Variants in ANO3 observed in about 807,000 individuals in gnomAD.
ANO3 encodes the protein anoctamin-3.
Under a neutral mutation model 144.8 loss-of-function variants are expected in ANO3, and 99 were observed. The ratio of observed to expected loss-of-function variants is 0.68; its 90% CI spans 0.58 to 0.81. ANO3 has a LOEUF of 0.81. ANO3 is among the 30% of genes least tolerant of loss of function. The pLI is 0.00. For synonymous variants in ANO3, 414 were observed against 392.6 expected, an observed-to-expected ratio of 1.05 and a Z score of -0.64; for missense variants, 905 against 1,202.2, an observed-to-expected ratio of 0.75 and a Z score of 3.66.
At chr11:26,543,933 A>G (rs1565093263) in intron 11 of ANO3, among the ~76,000 whole-genome samples, 1 of 151,650 alleles carries the variant, frequency 6.6e-6, no homozygotes, top group Non-Finnish European at 1.5e-5. Flanking sequence ...TTTTAATTTC[A>G]AACATTAAGT....
chr11:26,394,570 C>CTTTTTTTTTT (rs56118844), intron 1 of ANO3, among the ~76,000 whole-genome samples: 2 of 115,748 alleles, frequency 1.7e-5, no homozygotes, highest in African/African-American at 3.2e-5. Context: ...ATTTCATTTT[C>CTTTTTTTTTT]TTTTTTTTTT....
rs72561877 is a variant in ANO3, at chr11:26,530,555, T to TA, written c.738-637dup. Among the ~76,000 whole-genome samples the TA allele has an allele frequency of 8.3e-3, 1,189 of 143,760 alleles. 27 individuals carry two copies. Among genetic ancestry groups the TA allele is most frequent in the South Asian group, 0.04 (176 of 4,448 alleles). 94.3% of individuals were successfully genotyped at this position (143,760 alleles called of 152,430 possible). On this transcript the variant is annotated intron_variant, in intron 7 of 26. Transcript: ENST00000256737. ...CATTTTAATAAATATATTTTGCGCT[T>TA]AAAAAAAAAAAAACTCTCTTTCTGG... is the stretch of plus-strand genomic sequence containing the variant.
intron 1 of ANO3, among the ~76,000 whole-genome samples, chr11:26,346,420 T>C (rs1277488400): frequency 1.3e-5 from 2 of 152,204 alleles, no homozygotes; most frequent in Non-Finnish European, 2.9e-5. Flanking sequence ...TCACTTTTTA[T>C]AGGATGTTCA....
In ANO3 at chr11:26,547,452, T is replaced by G; in HGVS notation, c.1191T>G (p.Ala397=). 3.7e-6 allele frequency: 6 copies of G among 1,612,146 alleles called. No homozygotes were observed. The highest frequency in any genetic ancestry group is 5.1e-6 in the Non-Finnish European group (6 of 1,178,588). ...YFGEKIGLYF[A]WLGWYTGMLI... is the part of the protein sequence containing the mutation. ...GTGAGAAGATTGGACTATACTTTGC[T>G]TGGCTGGGATGGTATACTGGAATGT... Residue 397 remains alanine (A), a synonymous_variant, in exon 12 of 27, where the codon GCT becomes GCG. Transcript: ENST00000256737.
chr11:26,399,399 C>G (rs1018840871), intron 1 of ANO3, among the ~76,000 whole-genome samples: 4 of 151,886 alleles, frequency 2.6e-5, no homozygotes, highest in African/African-American at 9.7e-5. Context: ...CAAATACACA[C>G]ACAAAGTCCA....
rs58078292 is a variant in ANO3, at chr11:26,385,903, T to TATATATATATATATA, written c.46+53582_46+53583insATATATATATATATA. ...AAGTTCTTTGTGTGTGTATATATAT[T>TATATATATATATATA]TATATACATATTTACATGTATAAGC... is the stretch of plus-strand genomic sequence containing the variant. On this transcript the variant is annotated intron_variant, in intron 1 of 26. Transcript: ENST00000256737. Among the ~76,000 whole-genome samples the TATATATATATATATA allele has an allele frequency of 3.8e-3, 567 of 148,838 alleles. 8 individuals carry two copies. Among genetic ancestry groups the TATATATATATATATA allele is most frequent in the African/African-American group, 0.011 (449 of 39,584 alleles).
At chr11:26,248,111 G>A (rs1034770471) in intron 1 of ANO3, among the ~76,000 whole-genome samples, 7 of 151,998 alleles carry the variant, frequency 4.6e-5, no homozygotes, top group Non-Finnish European at 7.4e-5. Context: ...AGGCCCAGGC[G>A]GGCGAATCAT....
intron 1 of ANO3, among the ~76,000 whole-genome samples, chr11:26,318,764 T>A (rs888269877): frequency 7.9e-5 from 12 of 152,306 alleles, no homozygotes; most frequent in African/African-American, 2.9e-4. Flanking sequence ...ATTATTTTTA[T>A]GAGGCACATC....
intron 3 of ANO3, among the ~76,000 whole-genome samples, chr11:26,449,528 C>T (rs927744060): frequency 1.3e-5 from 2 of 149,376 alleles, no homozygotes; most frequent in Non-Finnish European, 3.0e-5. Context: ...CACGCACGCA[C>T]ATCTCTTTGG....
chr11:26,553,367 CT>C, intron 13 of ANO3, 22 bp downstream of exon 13: 2 of 1,531,210 alleles, frequency 1.3e-6, no homozygotes, highest in East Asian at 4.5e-5. Context: ...CCCTCACATT[CT>C]CCTCCCTGAG....
chr11:26,223,480 GATTCTTCCAA>G (rs1852191443), intron 1 of ANO3, among the ~76,000 whole-genome samples: 1 of 151,422 alleles, frequency 6.6e-6, no homozygotes, highest in Non-Finnish European at 1.5e-5. Context: ...GAGCCCTCCA[GATTCTTCCAA>G]ATTCTACCTG....
At chr11:26,572,371 G>T in intron 14 of ANO3, 1 of 418,486 alleles carries the variant, frequency 2.4e-6, no homozygotes, top group Non-Finnish European at 3.2e-6. Context: ...TCTCGTCAGT[G>T]GTAGCAAAAC....
upstream of ANO3, among the ~76,000 whole-genome samples, chr11:26,327,585 T>C (rs907648937): frequency 1.2e-4 from 18 of 152,170 alleles, no homozygotes; most frequent in Non-Finnish European, 2.6e-4. Flanking sequence ...AAAAGGGTCT[T>C]TGAAACAATA....
intron 1 of ANO3, among the ~76,000 whole-genome samples, chr11:26,196,834 G>C (rs1404007940): frequency 6.6e-6 from 1 of 152,186 alleles, no homozygotes; most frequent in Non-Finnish European, 1.5e-5. Context: ...GAAAGTTCCA[G>C]TGTATAAAAT....
chr11:26,605,630 G>T (rs1374320550), intron 17 of ANO3, among the ~76,000 whole-genome samples: 1 of 152,094 alleles, frequency 6.6e-6, no homozygotes, highest in African/African-American at 2.4e-5. Flanking sequence ...GGTCTATTCA[G>T]GGATTCGACT....
intron 1 of ANO3, among the ~76,000 whole-genome samples, chr11:26,226,824 T>C (rs1590203839): frequency 1.3e-5 from 2 of 152,156 alleles, no homozygotes; most frequent in Admixed American, 6.6e-5. Flanking sequence ...TTTTTAAGTA[T>C]ACAGATCAGT....
At chr11:26,371,545 C>T (rs1001224426) in intron 1 of ANO3, among the ~76,000 whole-genome samples, 1 of 152,202 alleles carries the variant, frequency 6.6e-6, no homozygotes, top group Non-Finnish European at 1.5e-5. Flanking sequence ...CAACAGCTTG[C>T]ACCATGCACC....
At chr11:26,601,931 A>T (rs1214152333) in intron 17 of ANO3, among the ~76,000 whole-genome samples, 1 of 152,192 alleles carries the variant, frequency 6.6e-6, no homozygotes, top group African/African-American at 2.4e-5. Flanking sequence ...GCTACCCAGG[A>T]TCTTATAGTC....
At chr11:26,304,157 T>C (rs1300190776) in intron 1 of ANO3, among the ~76,000 whole-genome samples, 1 of 152,216 alleles carries the variant, frequency 6.6e-6, no homozygotes, top group Non-Finnish European at 1.5e-5. Context: ...ATTAATATTT[T>C]TCATATGTAC....
Sources: gnomAD v4.1 joint callset for allele counts (sites outside exome capture counted in the v4.1 genomes callset) on GRCh38, gnomAD v4.1.1 for gene constraint, MANE v1.5 for transcripts, NCBI Gene and HGNC (gene_info 2026-07-23, HGNC 2026-07-21) for gene names.